Variants in COL25A1 observed in about 807,000 individuals in gnomAD.
COL25A1 encodes collagen alpha-1(XXV) chain.
Under a neutral mutation model 128.4 loss-of-function variants are expected in COL25A1, and 103 were observed. The observed-to-expected ratio is 0.80, with a 90% confidence interval of 0.68 to 0.94. COL25A1 has a LOEUF of 0.94. COL25A1 is among the 40% of genes least tolerant of loss of function. The pLI is 0.00. For missense variants in COL25A1, 745 were observed against 840.0 expected, an observed-to-expected ratio of 0.89 and a Z score of 1.40; for synonymous variants, 279 against 277.2, an observed-to-expected ratio of 1.01 and a Z score of -0.06.
chr4:108,949,452 T>C (rs1007817062), intron 8 of COL25A1, among the ~76,000 whole-genome samples: 9 of 152,074 alleles, frequency 5.9e-5, no homozygotes, highest in South Asian at 4.1e-4. Context: ...GCCCACCCAA[T>C]TGTAAGTGGC....
chr4:109,018,925 A>G (rs1757451208), intron 5 of COL25A1, among the ~76,000 whole-genome samples: 1 of 152,192 alleles, frequency 6.6e-6, no homozygotes, highest in South Asian at 2.1e-4. Context: ...AGGAAGTCTT[A>G]CTGTATTAGT....
intron 5 of COL25A1, among the ~76,000 whole-genome samples, chr4:109,023,152 A>G (rs974714282): frequency 6.6e-6 from 1 of 152,234 alleles, no homozygotes; most frequent in Non-Finnish European, 1.5e-5. Context: ...TCCACAGCAT[A>G]TCAGTGACAT....
chr4:109,223,606 G>C (rs143811415), intron 3 of COL25A1, among the ~76,000 whole-genome samples: 305 of 127,638 alleles, frequency 2.4e-3, no homozygotes, highest in African/African-American at 8.7e-3. Context: ...CTAACAGTAA[G>C]GGAAATGACC....
chr4:108,842,610 A>G (rs1431809080), intron 30 of COL25A1, among the ~76,000 whole-genome samples: 2 of 152,212 alleles, frequency 1.3e-5, no homozygotes, highest in Non-Finnish European at 2.9e-5. Context: ...CCACATTAGA[A>G]TAATATTTTC....
intron 3 of COL25A1, among the ~76,000 whole-genome samples, chr4:109,249,014 A>T (rs1176631984): frequency 1.3e-5 from 2 of 152,226 alleles, no homozygotes; most frequent in Non-Finnish European, 2.9e-5. Context: ...GGTGCCAGAC[A>T]TTGTAATAAG....
intron 8 of COL25A1, chr4:108,942,404 C>T: frequency 1.4e-6 from 1 of 731,262 alleles, no homozygotes; most frequent in South Asian, 1.8e-5. Context: ...ATCTGACATA[C>T]CATAAACAAA....
intron 11 of COL25A1, among the ~76,000 whole-genome samples, chr4:108,930,357 C>G (rs1435407924): frequency 6.6e-6 from 1 of 152,142 alleles, no homozygotes; most frequent in African/African-American, 2.4e-5. Flanking sequence ...GCCCTACCAC[C>G]CCACCCAGCC....
chr4:108,964,964 T>C (rs541490530), intron 8 of COL25A1, among the ~76,000 whole-genome samples: 1 of 152,302 alleles, frequency 6.6e-6, no homozygotes, highest in Non-Finnish European at 1.5e-5. Context: ...CAGTACCCAA[T>C]GAGTAGTATA....
At chr4:108,890,338 G>A (rs1741339272) in intron 16 of COL25A1, among the ~76,000 whole-genome samples, 1 of 152,182 alleles carries the variant, frequency 6.6e-6, no homozygotes, top group South Asian at 2.1e-4. Context: ...TTGTAACTCA[G>A]GCACCAGGAA....
intron 3 of COL25A1, among the ~76,000 whole-genome samples, chr4:109,112,120 ATGAC>A (rs1767079428): frequency 6.6e-6 from 1 of 152,138 alleles, no homozygotes; most frequent in South Asian, 2.1e-4. Flanking sequence ...CAGTAAATGA[ATGAC>A]TGAACTGATT....
chr4:108,891,569 A>C (rs1248781646), intron 16 of COL25A1, among the ~76,000 whole-genome samples: 1 of 152,192 alleles, frequency 6.6e-6, no homozygotes, highest in East Asian at 1.9e-4. Flanking sequence ...CAAAGTTCCT[A>C]CTTTATCTCA....
chr4:108,989,608 T>C (rs1380752282), intron 6 of COL25A1, among the ~76,000 whole-genome samples: 3 of 152,212 alleles, frequency 2.0e-5, no homozygotes, highest in African/African-American at 7.2e-5. Context: ...GCACTGGATA[T>C]ACTGATCATT....
chr4:108,961,579 C>CTGT (rs1173477225), intron 8 of COL25A1, among the ~76,000 whole-genome samples: 1 of 146,000 alleles, frequency 6.8e-6, no homozygotes, highest in East Asian at 2.1e-4. Flanking sequence ...CTGTTCTGTT[C>CTGT]TGTTCTGTTC....
At chr4:109,239,631 A>T (rs1779744742) in intron 3 of COL25A1, among the ~76,000 whole-genome samples, 1 of 151,630 alleles carries the variant, frequency 6.6e-6, no homozygotes, top group East Asian at 1.9e-4. Flanking sequence ...GGGTGAGTCA[A>T]TGAGTGAGTG....
intron 3 of COL25A1, among the ~76,000 whole-genome samples, chr4:109,242,147 C>A (rs1229523328): frequency 1.3e-5 from 2 of 152,022 alleles, no homozygotes; most frequent in African/African-American, 4.8e-5. Context: ...TTGTTTTGCA[C>A]ACACTTATCT....
intron 6 of COL25A1, among the ~76,000 whole-genome samples, chr4:108,986,012 A>T (rs1401249927): frequency 6.6e-6 from 1 of 152,194 alleles, no homozygotes; most frequent in African/African-American, 2.4e-5. Flanking sequence ...TGCTCCTCCA[A>T]GCCTAAAAGC....
intron 3 of COL25A1, among the ~76,000 whole-genome samples, chr4:109,231,166 T>G (rs1452874844): frequency 6.6e-6 from 1 of 151,716 alleles, no homozygotes; most frequent in Admixed American, 6.6e-5. Flanking sequence ...TAATAATAAA[T>G]AAATAAATTT....
In COL25A1 at chr4:109,050,150, G is replaced by C. The variant is rs1389114248; in HGVS notation, c.397C>G (p.Arg133Gly). 1.2e-6 allele frequency: 2 copies of C among 1,608,478 alleles called. No individual in the cohort carries two copies. The highest frequency in any genetic ancestry group is 1.3e-5 in the African/African-American group (1 of 74,858). Residue 133 changes from arginine to glycine, a missense_variant, in exon 4 of 38, where the codon CGA becomes GGA. Physicochemically the swap from Arg to Gly is moderately radical, Grantham distance 125. Coordinates refer to ENST00000399132, the MANE Select transcript of COL25A1 (RefSeq NM_198721.4). ...GPPGKRGKRG[R>G]RGESGPPGQP... ...AGAGACTTACCAGATTCTCCTCTTC[G>C]GCCTCTCTTACCTCGTTTCCCTGGA... is the stretch of plus-strand genomic sequence containing the variant.
intron 3 of COL25A1, among the ~76,000 whole-genome samples, chr4:109,065,542 GCGCGTGTGTGTGT>G: frequency 7.5e-6 from 1 of 133,434 alleles, no homozygotes; most frequent in Non-Finnish European, 1.6e-5. Flanking sequence ...ACGCGCGCGC[GCGCGTGTGTGTGT>G]GTGTGTGTGT....
Sources: allele counts gnomAD v4.1 joint callset (sites outside exome capture counted in the v4.1 genomes callset), GRCh38; gene constraint gnomAD v4.1.1; transcripts MANE v1.5; gene names NCBI Gene and HGNC (gene_info 2026-07-23, HGNC 2026-07-21).